ABCC8: variants seen among roughly 807,000 people sequenced by gnomAD.
The protein encoded by ABCC8 is ATP binding cassette subfamily C member 8.
Under a neutral mutation model 188.0 loss-of-function variants are expected in ABCC8, and 137 were observed. That is an observed-to-expected ratio of 0.73 (90% CI 0.63 to 0.84). ABCC8 has a LOEUF of 0.84. Ranked by LOEUF, ABCC8 falls within the 40% of genes least tolerant of loss-of-function variation. The pLI is 0.00. For missense variants in ABCC8, 1,750 were observed against 2,072.7 expected (o/e 0.84, Z 3.02); for synonymous variants, 797 against 846.5 (o/e 0.94, Z 1.01).
chr11:17,398,782 C>T (rs1364193340), intron 29 of ABCC8, among the ~76,000 whole-genome samples: 3 of 152,156 alleles, frequency 2.0e-5, no homozygotes, highest in African/African-American at 7.2e-5. Flanking sequence ...CCTCTTATGT[C>T]TCTCTCTAAA....
chr11:17,468,113 T>G (rs1302012948), intron 3 of ABCC8, among the ~76,000 whole-genome samples: 1 of 152,140 alleles, frequency 6.6e-6, no homozygotes, highest in Non-Finnish European at 1.5e-5. Flanking sequence ...CTCAACCTGC[T>G]TCCCCCAGCT....
intron 7 of ABCC8, among the ~76,000 whole-genome samples, chr11:17,450,324 T>TTCTTTCTTTCTC (rs1247575910): frequency 4.1e-4 from 31 of 75,702 alleles, no homozygotes; most frequent in East Asian, 9.2e-4. Flanking sequence ...CTTTCTTTCT[T>TTCTTTCTTTCTC]TCTCTCTCTC....
chr11:17,468,672 G>A (rs972119859), intron 3 of ABCC8, among the ~76,000 whole-genome samples: 1 of 152,176 alleles, frequency 6.6e-6, no homozygotes, highest in African/African-American at 2.4e-5. Context: ...TATCACATAG[G>A]TAGGATGGGG....
chr11:17,420,584 CTCTTCCTGGGGAA>C (rs1955294990), intron 16 of ABCC8, among the ~76,000 whole-genome samples: 1 of 152,174 alleles, frequency 6.6e-6, no homozygotes, highest in South Asian at 2.1e-4. Flanking sequence ...GCCTTTTTCT[CTCTTCCTGGGGAA>C]TCAGGGCTCT....
intron 6 of ABCC8, among the ~76,000 whole-genome samples, chr11:17,455,344 TC>T (rs1395250053): frequency 3.3e-5 from 5 of 152,112 alleles, no homozygotes; most frequent in Non-Finnish European, 4.4e-5. Context: ...AGCCAACTGA[TC>T]ATGTTTGTTC....
rs1489811615 is a variant in ABCC8, at chr11:17,410,572, TGTC to T, written c.2635_2637del (p.Asp879del). 7 of 1,614,108 alleles carry T rather than the reference TGTC, an allele frequency of 4.3e-6. No individual in the cohort carries two copies. The highest frequency in any genetic ancestry group is 1.1e-5 in the South Asian group (1 of 91,078). ...TGGGTCACTAAGACCACTGTCCTCT[TGTC>T]GTCCCGGAGCAGCTCAAGGATGCCG... On this transcript the variant is annotated inframe_deletion, in exon 22 of 39. Coordinates refer to ENST00000389817, the MANE Select transcript of ABCC8 (RefSeq NM_000352.6).
chr11:17,444,957 A>G (rs1174030908), intron 8 of ABCC8, among the ~76,000 whole-genome samples: 1 of 152,234 alleles, frequency 6.6e-6, no homozygotes, highest in East Asian at 1.9e-4. Context: ...GCTGGCATAT[A>G]GTTGGAGATC....
chr11:17,443,725 T>G (rs1956414863), intron 8 of ABCC8, among the ~76,000 whole-genome samples: 1 of 152,200 alleles, frequency 6.6e-6, no homozygotes, highest in Admixed American at 6.5e-5. Flanking sequence ...AGAGGCAAAG[T>G]TACTGCACCC....
At chr11:17,412,430 C>T (rs997802318) in intron 21 of ABCC8, among the ~76,000 whole-genome samples, 1 of 152,122 alleles carries the variant, frequency 6.6e-6, no homozygotes, top group Admixed American at 6.5e-5. Context: ...TACAGCTTGC[C>T]TCTCCTCATT....
Position 17,394,261 on chromosome 11 carries a change from C to A in ABCC8, c.4545+5G>T, listed in dbSNP as rs1953785341. Reference sequence around the variant, plus strand: ...CATGGTCCCATGGAGGGGCCCAGGACCAACCGTGGCCATGTCAATGGAAGC... The same window carrying A: ...CATGGTCCCATGGAGGGGCCCAGGAACAACCGTGGCCATGTCAATGGAAGC... On this transcript the variant is annotated splice_donor_5th_base_variant and intron_variant, in intron 37 of 38. Transcript: ENST00000389817. 3 of 1,613,748 alleles carry A rather than the reference C, an allele frequency of 1.9e-6. No individual in the cohort carries two copies. Among genetic ancestry groups the A allele is most frequent in the Middle Eastern group, 3.3e-4 (2 of 6,024 alleles).
rs1318836596 is a variant in ABCC8 at position 17,404,759 on chromosome 11, AT to A, written c.3400-91del. ...GGCCGCCATGTTTTGCTCTCACTTT[AT>A]TTTTTGATCCTTTATTTTTTTGAGA... is the stretch of plus-strand genomic sequence containing the variant. On this transcript the variant is annotated intron_variant, in intron 27 of 38. Coordinates refer to ENST00000389817, the MANE Select transcript of ABCC8 (RefSeq NM_000352.6). The surrounding 1 kb of genome is among the most constrained non-coding windows in gnomAD (Gnocchi z 4.7). The A allele has an allele frequency of 5.3e-6, 8 of 1,522,346 alleles. No individual in the cohort carries two copies. The East Asian group carries it at 2.0e-4, about 37-fold the overall frequency. The allele number at this position is 1,522,346 out of a possible 1,614,324, so 94.3% of individuals were successfully genotyped here.
chr11:17,459,560 G>T (rs1362303276), intron 6 of ABCC8, among the ~76,000 whole-genome samples: 1 of 152,174 alleles, frequency 6.6e-6, no homozygotes, highest in African/African-American at 2.4e-5. Context: ...TACGCAAAGG[G>T]TGTCATAAAT....
At chr11:17,452,617 C>T (rs73425080) in intron 7 of ABCC8, among the ~76,000 whole-genome samples, 1,820 of 152,326 alleles carry the variant, frequency 0.012, 46 homozygotes, top group African/African-American at 0.041. Flanking sequence ...TGCTTACCTC[C>T]TGATGTGTGG....
intron 29 of ABCC8, 100 bp from the exon 30 acceptor site, chr11:17,398,541 C>T (rs1954063991): frequency 2.5e-6 from 4 of 1,569,308 alleles, no homozygotes; most frequent in Non-Finnish European, 3.5e-6. Context: ...CCCCTCCAGT[C>T]CCCAGACATG....
chr11:17,427,513 A>G lies in ABCC8; in HGVS notation c.2116+354T>C, dbSNP rs1591795534. Among the ~76,000 whole-genome samples, 1 of 152,300 alleles carries G rather than the reference A, an allele frequency of 6.6e-6. No individual in the cohort carries two copies. The highest frequency in any genetic ancestry group is 1.5e-5 in the Non-Finnish European group (1 of 68,030). Reference sequence around the variant, plus strand: ...TACTTTGCTCATGGCTGCCTCTGCCAGAAAATCCTCCTGCCTCATGGCCTC... The same window carrying G: ...TACTTTGCTCATGGCTGCCTCTGCCGGAAAATCCTCCTGCCTCATGGCCTC... On this transcript the variant is annotated intron_variant, in intron 15 of 38. Transcript: ENST00000389817. This position sits in a 1 kb window ranked among gnomAD's most constrained non-coding sequence, Gnocchi z 5.0.
At chr11:17,464,837 C>T (rs982419328) in intron 3 of ABCC8, among the ~76,000 whole-genome samples, 2 of 152,174 alleles carry the variant, frequency 1.3e-5, no homozygotes, top group African/African-American at 2.4e-5. Context: ...AGACCAGATG[C>T]GGATAAGGTC....
Position 17,443,189 on chromosome 11 carries a change from G to T in ABCC8, c.1456C>A (p.Arg486=). 6.2e-7 allele frequency: 1 copy of T among 1,614,166 alleles called. No individual in the cohort carries two copies. The highest frequency in any genetic ancestry group is 1.1e-5 in the South Asian group (1 of 91,072). ...CTTTGGGCACTCACCAGTGTGCTCC[G>T]CTGGGCCTGAGACAGCTTGGTGGCC... ...FVATKLSQAQ[R]STLEYSNERL... The change falls in exon 9 of 39, where the codon CGG becomes AGG. Residue 486 remains arginine, a synonymous_variant. Transcript: ENST00000389817.
At chr11:17,410,864 G>C (rs1489398237) in intron 21 of ABCC8, 4 of 300,118 alleles carry the variant, frequency 1.3e-5, no homozygotes, top group Non-Finnish European at 2.0e-5. Context: ...CTCTCAAACA[G>C]ATCTAATCAC....
At chr11:17,446,444 CA>C (rs35910048) in intron 8 of ABCC8, among the ~76,000 whole-genome samples, 6,450 of 149,900 alleles carry the variant, frequency 0.043, 164 homozygotes, top group South Asian at 0.079. Context: ...TTTCATGTTT[CA>C]AAAAAAAAAT....
Sources: gnomAD v4.1 joint callset for allele counts (sites outside exome capture counted in the v4.1 genomes callset) on GRCh38, gnomAD v4.1.1 for gene constraint, Gnocchi (gnomAD v3.1) non-coding constraint, MANE v1.5 for transcripts, NCBI Gene and HGNC (gene_info 2026-07-23, HGNC 2026-07-21) for gene names.